The following P4HA1 variants were observed in gnomAD, a reference collection of about 807,000 sequenced individuals.
P4HA1 encodes the protein prolyl 4-hydroxylase subunit alpha 1.
P4HA1 carries 24 observed loss-of-function variants against 72.8 expected under a neutral mutation model. That is an observed-to-expected ratio of 0.33 (90% confidence interval 0.24 to 0.46). The LOEUF is 0.46. Ranked by LOEUF, P4HA1 falls within the 20% of genes least tolerant of loss-of-function variation. P4HA1 has a pLI of 1.00. For synonymous variants in P4HA1, 201 were observed against 218.8 expected, an observed-to-expected ratio of 0.92 and a Z score of 0.72; for missense variants, 446 against 640.6, an observed-to-expected ratio of 0.70 and a Z score of 3.28.
intron 6 of P4HA1, among the ~76,000 whole-genome samples, chr10:73,051,887 C>A (rs951559625): frequency 6.6e-6 from 1 of 152,146 alleles, no homozygotes; most frequent in African/African-American, 2.4e-5. Context: ...AGTTTAAAAT[C>A]TTACTCATCC....
chr10:73,084,454 C>T (rs1192275585), intron 1 of P4HA1, among the ~76,000 whole-genome samples: 2 of 152,200 alleles, frequency 1.3e-5, no homozygotes, highest in South Asian at 2.1e-4. Context: ...CCACCACGAC[C>T]GGCCAATTTT....
chr10:73,053,939 CAG>C (rs1441666010), intron 5 of P4HA1, among the ~76,000 whole-genome samples: 1 of 148,920 alleles, frequency 6.7e-6, no homozygotes, highest in Non-Finnish European at 1.5e-5. Context: ...TCTTTTGAGA[CAG>C]AGTCTTGCTC....
chr10:73,095,877 G>A (rs1383090335), intron 1 of P4HA1, among the ~76,000 whole-genome samples: 1 of 152,080 alleles, frequency 6.6e-6, no homozygotes, highest in African/African-American at 2.4e-5. Context: ...GAGTCTCACA[G>A]TTATCATACC....
intron 12 of P4HA1, among the ~76,000 whole-genome samples, chr10:73,012,795 T>C (rs565435837): frequency 6.6e-6 from 1 of 152,226 alleles, no homozygotes; most frequent in African/African-American, 2.4e-5. Flanking sequence ...TATATATTTT[T>C]TTTATTTTTA....
Position 73,040,476 on chromosome 10 carries a change from A to ATAT in P4HA1, c.1148+4504_1148+4505insATA, listed in dbSNP as rs1291054248. Among the ~76,000 whole-genome samples the ATAT allele has an allele frequency of 4.7e-4, 58 of 123,588 alleles. 1 individual carries two copies. The highest frequency in any genetic ancestry group is 1.9e-3 in the African/African-American group (51 of 27,256). 81.1% of individuals were successfully genotyped at this position (123,588 alleles called of 152,430 possible). A position where few individuals can be genotyped will look rare whatever the true frequency, so the allele number is the denominator to read the frequency against. ...GTCTTCCAAAACATCGAATTCATGAATTTTTTTTTTTTTTTTTTTGAGATG... is the reference window on the plus strand; with the variant it reads ...GTCTTCCAAAACATCGAATTCATGAATATTTTTTTTTTTTTTTTTTTTGAGATG... On this transcript the variant is annotated intron_variant, in intron 9 of 14. Transcript: ENST00000394890.
chr10:73,030,151 T>C, intron 10 of P4HA1, 120 bp downstream of exon 10: 1 of 446,980 alleles, frequency 2.2e-6, no homozygotes, highest in Non-Finnish European at 4.0e-6. Flanking sequence ...GCTTACAGGG[T>C]CACTTTTTAA....
chr10:73,036,922 T>C (rs1375989297), intron 9 of P4HA1, among the ~76,000 whole-genome samples: 1 of 152,142 alleles, frequency 6.6e-6, no homozygotes, highest in Non-Finnish European at 1.5e-5. Flanking sequence ...GACCTGGAAG[T>C]CTTATTCCTG....
In P4HA1 at chr10:73,043,761, A is replaced by G. The variant is rs997575509; in HGVS notation, c.1148+1220T>C. On this transcript the variant is annotated intron_variant, in intron 9 of 14. Transcript: ENST00000394890. ...GTCCGTCATGAAAACTCCAGCACAG[A>G]TATTATCAAACATCTATGCCTAACC... 4.3e-5 allele frequency: 32 copies of G among 752,512 alleles called. No individual in the cohort carries two copies. The African/African-American group carries it at 5.1e-4, about 12-fold the overall frequency. 46.6% of individuals were successfully genotyped at this position (752,512 alleles called of 1,614,324 possible). A position where few individuals can be genotyped will look rare whatever the true frequency, so the allele number is the denominator to read the frequency against.
At chr10:73,021,065 G>T (rs1564620046) in intron 10 of P4HA1, among the ~76,000 whole-genome samples, 1 of 152,166 alleles carries the variant, frequency 6.6e-6, no homozygotes, top group Non-Finnish European at 1.5e-5. Context: ...AACCCAGGAG[G>T]TGGAGGTTGC....
intron 1 of P4HA1, among the ~76,000 whole-genome samples, chr10:73,078,657 G>A (rs1841757550): frequency 7.2e-6 from 1 of 138,916 alleles, no homozygotes; most frequent in South Asian, 2.2e-4. Flanking sequence ...TGTTGCCCAG[G>A]CTGGAGTGTA....
At chr10:73,029,640 TAG>T (rs1491472507) in intron 10 of P4HA1, among the ~76,000 whole-genome samples, 9 of 145,312 alleles carry the variant, frequency 6.2e-5, no homozygotes, top group African/African-American at 2.5e-4. Flanking sequence ...GGCCTATGCT[TAG>T]TTTTTTTTTT....
chr10:73,082,350 C>A (rs1841842771), intron 1 of P4HA1: 1 of 152,134 alleles, frequency 6.6e-6, no homozygotes, highest in African/African-American at 2.4e-5. Flanking sequence ...TAGGACAGGG[C>A]ATCTGGTAAA....
At chr10:73,065,741 G>A (rs1841405471) in intron 5 of P4HA1, among the ~76,000 whole-genome samples, 2 of 152,120 alleles carry the variant, frequency 1.3e-5, no homozygotes, top group South Asian at 2.1e-4. Flanking sequence ...CTAAGAGAAA[G>A]CCTTGCACGT....
chr10:73,091,345 A>G (rs1842027855), intron 1 of P4HA1, among the ~76,000 whole-genome samples: 1 of 152,112 alleles, frequency 6.6e-6, no homozygotes, highest in African/African-American at 2.4e-5. Context: ...TCTGTCACCC[A>G]GGCTGGAGTG....
chr10:73,053,278 G>A (rs1841060267), intron 6 of P4HA1, 73 bp downstream of exon 6: 1 of 1,424,892 alleles, frequency 7.0e-7, no homozygotes, highest in Admixed American at 2.1e-5. Context: ...TATAAATGAG[G>A]GAAAGACAGA....
chr10:73,007,732 A>C lies in P4HA1; in HGVS notation c.*490T>G, dbSNP rs1839824309. On this transcript the variant is annotated 3_prime_UTR_variant, in exon 15 of 15. Transcript: ENST00000394890. ...AAATCAACTTAGAAGATCATATGAA[A>C]GGGCAATCACATGGAACCCAGTTAG... The C allele has an allele frequency of 6.6e-6, 1 of 151,812 alleles. No individual in the cohort carries two copies. Among genetic ancestry groups the C allele is most frequent in the Non-Finnish European group, 1.5e-5 (1 of 68,068 alleles). 9.4% of individuals were successfully genotyped at this position (151,812 alleles called of 1,614,324 possible).
chr10:73,057,729 T>C (rs960312612), intron 5 of P4HA1, among the ~76,000 whole-genome samples: 1 of 151,610 alleles, frequency 6.6e-6, no homozygotes, highest in Non-Finnish European at 1.5e-5. Flanking sequence ...AGGAGGAAAA[T>C]TCCAAAAGGA....
chr10:73,076,197 T>A (rs1326594801), intron 1 of P4HA1, among the ~76,000 whole-genome samples: 1 of 152,164 alleles, frequency 6.6e-6, no homozygotes, highest in Non-Finnish European at 1.5e-5. Flanking sequence ...GTATATGAAT[T>A]ATATTGCAAT....
chr10:73,065,659 T>C (rs1028272258), intron 5 of P4HA1, among the ~76,000 whole-genome samples: 5 of 152,200 alleles, frequency 3.3e-5, no homozygotes, highest in Non-Finnish European at 5.9e-5. Context: ...TATAAATACA[T>C]GCTCTGGAAA....
Sources: allele counts gnomAD v4.1 joint callset (sites outside exome capture counted in the v4.1 genomes callset), GRCh38; gene constraint gnomAD v4.1.1; transcripts MANE v1.5; gene names NCBI Gene and HGNC (gene_info 2026-07-23, HGNC 2026-07-21).